GINM1: variants seen among roughly 807,000 people sequenced by gnomAD.
The protein encoded by GINM1 is glycosylated integral membrane protein 1.
GINM1 carries 29 observed loss-of-function variants against 37.8 expected under a neutral mutation model. The ratio of observed to expected loss-of-function variants is 0.77; its 90% CI spans 0.57 to 1.05. The LOEUF is 1.05. Among genes scored for constraint, GINM1 ranks in the 50% least tolerant of loss-of-function variants. The pLI, the probability that GINM1 is intolerant of heterozygous loss-of-function variation, is 0.00. For synonymous variants in GINM1, 143 were observed against 146.2 expected, an observed-to-expected ratio of 0.98 and a Z score of 0.16; for missense variants, 377 against 397.9, an observed-to-expected ratio of 0.95 and a Z score of 0.45.
Position 149,590,709 on chromosome 6 carries a change from A to T in GINM1, c.882-18A>T. 1 of 1,233,462 alleles carries T rather than the reference A, an allele frequency of 8.1e-7. No individual in the cohort carries two copies. The highest frequency in any genetic ancestry group is 1.2e-6 in the Non-Finnish European group (1 of 843,642). 76.4% of individuals were successfully genotyped at this position (1,233,462 alleles called of 1,614,324 possible). On this transcript the variant is annotated intron_variant, in intron 7 of 7. Transcript: ENST00000367419. Reference sequence around the variant, plus strand: ...GAAACATTTAATTTTGATAGTAATTAATCACTTTCTATTTCAGAGGAATTC... The same window carrying T: ...GAAACATTTAATTTTGATAGTAATTTATCACTTTCTATTTCAGAGGAATTC...
intron 4 of GINM1, 91 bp from the exon 5 acceptor site, chr6:149,579,742 GT>G: frequency 2.9e-6 from 2 of 685,508 alleles, no homozygotes; most frequent in Non-Finnish European, 4.8e-6. Flanking sequence ...ACATGTTTTA[GT>G]TATATAAATC....
At chr6:149,582,161 A>G (rs550723915) in intron 6 of GINM1, 6 of 523,230 alleles carry the variant, frequency 1.1e-5, no homozygotes, top group African/African-American at 1.1e-4. Context: ...GTAGTTAGAA[A>G]ACAATATAAA....
At chr6:149,577,685 C>T (rs1582734878) in intron 3 of GINM1, among the ~76,000 whole-genome samples, 1 of 152,288 alleles carries the variant, frequency 6.6e-6, no homozygotes, top group East Asian at 1.9e-4. Context: ...CCTATAGATG[C>T]ACAGAATCAG....
chr6:149,572,904 CA>C (rs1402280046), intron 3 of GINM1, among the ~76,000 whole-genome samples: 1 of 152,198 alleles, frequency 6.6e-6, no homozygotes, highest in African/African-American at 2.4e-5. Context: ...AGCCTCAAAC[CA>C]TCTACCCTCC....
At chr6:149,585,211 T>TG (rs1778051740) in intron 7 of GINM1, among the ~76,000 whole-genome samples, 1 of 152,190 alleles carries the variant, frequency 6.6e-6, no homozygotes, top group Admixed American at 6.5e-5. Context: ...CAGGAACAGA[T>TG]GCAATATAAA....
intron 7 of GINM1, among the ~76,000 whole-genome samples, chr6:149,586,898 C>T (rs969199631): frequency 1.3e-5 from 2 of 151,982 alleles, no homozygotes; most frequent in Non-Finnish European, 2.9e-5. Flanking sequence ...GATCCTCTCA[C>T]CTCAGCCTCC....
At chr6:149,568,834 C>CT (rs1191832791) in intron 1 of GINM1, among the ~76,000 whole-genome samples, 240 of 146,124 alleles carry the variant, frequency 1.6e-3, no homozygotes, top group African/African-American at 4.1e-3. Context: ...AAATAAAAGT[C>CT]TTTTTTTTTT....
intron 3 of GINM1, chr6:149,577,652 A>G (rs1777934380): frequency 6.6e-6 from 1 of 152,196 alleles, no homozygotes; most frequent in Admixed American, 6.6e-5. Flanking sequence ...AGATATTGAG[A>G]TATTCCAGAC....
intron 1 of GINM1, among the ~76,000 whole-genome samples, chr6:149,570,194 ATAT>A (rs1777796433): frequency 1.7e-4 from 17 of 97,824 alleles, no homozygotes; most frequent in Non-Finnish European, 2.7e-4. Flanking sequence ...ATATATATAT[ATAT>A]AAAGTTCAGT....
intron 6 of GINM1, 181 bp from the exon 7 acceptor site, chr6:149,582,259 A>G: frequency 1.6e-6 from 1 of 621,774 alleles, no homozygotes; most frequent in Non-Finnish European, 2.9e-6. Context: ...GGTACATTCT[A>G]AAATAAAATC....
rs775177928 is a variant in GINM1 at position 149,566,432 on chromosome 6, G to C, written c.18G>C (p.Pro6=). The C allele has an allele frequency of 1.3e-6, 2 of 1,571,660 alleles. No individual in the cohort carries two copies. Among genetic ancestry groups the C allele is most frequent in the South Asian group, 2.3e-5 (2 of 87,868 alleles). The change falls in exon 1 of 8, where the codon CCG becomes CCC. Residue 6 remains proline (P), a synonymous_variant. Coordinates refer to ENST00000367419, the MANE Select transcript of GINM1 (RefSeq NM_138785.5). This position sits in a 1 kb window ranked among gnomAD's most constrained non-coding sequence, Gnocchi z 4.4. ...TGTCCAAGATGGAGGGCGCTCCACC[G>C]GGGTCGCTCGCCCTCCGGCTCCTGC... The part of the protein sequence containing the change: MEGAP[P]GSLALRLLLF...
At chr6:149,577,633 T>C (rs1205591354) in intron 3 of GINM1, 1 of 152,132 alleles carries the variant, frequency 6.6e-6, no homozygotes, top group African/African-American at 2.4e-5. Context: ...AGTAAGTAGT[T>C]AATGAACTAG....
At chr6:149,573,711 A>G (rs1375965305) in intron 3 of GINM1, among the ~76,000 whole-genome samples, 1 of 152,024 alleles carries the variant, frequency 6.6e-6, no homozygotes, top group Non-Finnish European at 1.5e-5. Flanking sequence ...TGCAAAAAAT[A>G]CAAAAATAAA....
At chr6:149,582,210 T>G in intron 6 of GINM1, 1 of 579,908 alleles carries the variant, frequency 1.7e-6, no homozygotes, top group Non-Finnish European at 3.2e-6. Context: ...GCTTGTATTG[T>G]TAGAACATAA....
rs535687781 is a variant in GINM1 at position 149,566,645 on chromosome 6, C to T, written c.120+111C>T. The T allele has an allele frequency of 3.0e-6, 4 of 1,334,910 alleles. No homozygotes were observed. In the East Asian group the frequency reaches 9.2e-5, roughly 31 times the overall value. The allele number at this position is 1,334,910 out of a possible 1,614,324, so 82.7% of individuals were successfully genotyped here. A position where few individuals can be genotyped will look rare whatever the true frequency, so the allele number is the denominator to read the frequency against. The stretch of plus-strand genomic sequence containing the variant: ...CCACCGGCGGGCAGGGGCGGGGGTC[C>T]GGGCCCCCGAAGGAGGTGTGGGGAG... On this transcript the variant is annotated intron_variant, in intron 1 of 7. Coordinates refer to ENST00000367419, the MANE Select transcript of GINM1 (RefSeq NM_138785.5). This position sits in a 1 kb window ranked among gnomAD's most constrained non-coding sequence, Gnocchi z 4.4.
chr6:149,572,740 C>G, intron 3 of GINM1, 137 bp downstream of exon 3: 1 of 642,268 alleles, frequency 1.6e-6, no homozygotes, highest in Non-Finnish European at 2.8e-6. Context: ...CAGCTCACTG[C>G]AACCTCTACC....
intron 5 of GINM1, 37 bp downstream of exon 5, chr6:149,580,027 ATTAT>A (rs761579365): frequency 1.7e-5 from 22 of 1,317,996 alleles, no homozygotes; most frequent in Admixed American, 1.2e-4. Flanking sequence ...TATTAAGGAG[ATTAT>A]TTATTTAGTT....
At position 149,582,595 on chromosome 6, in the gene GINM1, T is replaced by C; in HGVS notation, c.873T>C (p.Ser291=). ...TCTTAAAGGTGTTTTTCCCAGTTTC[T>C]GAATACAAGTAAGTATTTCTTATTT... ...ITILKVFFPV[S]EYKGILQLDK... is the part of the protein sequence containing the mutation. Residue 291 remains serine, a synonymous_variant, in exon 7 of 8, where the codon TCT becomes TCC. Coordinates refer to ENST00000367419, the MANE Select transcript of GINM1 (RefSeq NM_138785.5). The C allele has an allele frequency of 1.3e-6, 2 of 1,571,292 alleles. No individual in the cohort carries two copies. The highest frequency in any genetic ancestry group is 3.4e-4 in the Middle Eastern group (2 of 5,920).
intron 7 of GINM1, among the ~76,000 whole-genome samples, chr6:149,589,988 A>G (rs1388430200): frequency 6.6e-6 from 1 of 152,088 alleles, no homozygotes; most frequent in African/African-American, 2.4e-5. Flanking sequence ...TTTTTAGTAG[A>G]GATGGGGTTT....
Sources: gnomAD v4.1 joint callset for allele counts (sites outside exome capture counted in the v4.1 genomes callset) on GRCh38, gnomAD v4.1.1 for gene constraint, Gnocchi (gnomAD v3.1) non-coding constraint, MANE v1.5 for transcripts, NCBI Gene and HGNC (gene_info 2026-07-23, HGNC 2026-07-21) for gene names.